ZBTB24: variants seen among roughly 807,000 people sequenced by gnomAD.
ZBTB24 encodes the protein zinc finger and BTB domain containing 24, also known as zinc finger and BTB domain-containing protein 24.
A neutral mutation model predicts 53.8 loss-of-function variants in ZBTB24; 32 were observed. That is an observed-to-expected ratio of 0.60 (90% confidence interval 0.45 to 0.80). ZBTB24 has a LOEUF of 0.80. Among genes scored for constraint, ZBTB24 ranks in the 30% least tolerant of loss-of-function variants. The pLI is 0.00. For synonymous variants in ZBTB24, 297 were observed against 306.7 expected (o/e 0.97, Z 0.33); for missense variants, 722 against 837.1 (o/e 0.86, Z 1.70).
intron 2 of ZBTB24, among the ~76,000 whole-genome samples, chr6:109,480,254 T>C (rs1464162995): frequency 6.6e-6 from 1 of 152,148 alleles, no homozygotes; most frequent in Non-Finnish European, 1.5e-5. Flanking sequence ...GATATACAAG[T>C]GGTAACAACA....
At chr6:109,470,399 C>A (rs1194908313) in intron 5 of ZBTB24, among the ~76,000 whole-genome samples, 1 of 152,186 alleles carries the variant, frequency 6.6e-6, no homozygotes, top group East Asian at 1.9e-4. Context: ...AGCAGTTACT[C>A]CACCGATCCC....
intron 2 of ZBTB24, among the ~76,000 whole-genome samples, chr6:109,479,471 A>G (rs1776349970): frequency 6.6e-6 from 1 of 152,236 alleles, no homozygotes; most frequent in Non-Finnish European, 1.5e-5. Context: ...TCTGTTGAAC[A>G]TGTACTGCTT....
At chr6:109,469,498 T>G (rs1180642039) in intron 5 of ZBTB24, among the ~76,000 whole-genome samples, 1 of 152,012 alleles carries the variant, frequency 6.6e-6, no homozygotes, top group South Asian at 2.1e-4. Flanking sequence ...GGAAGGCAAA[T>G]TTCCCTAGCC....
intron 5 of ZBTB24, among the ~76,000 whole-genome samples, chr6:109,468,481 C>T (rs974158746): frequency 1.3e-5 from 2 of 151,800 alleles, no homozygotes; most frequent in African/African-American, 4.8e-5. Flanking sequence ...ATGGTTCACT[C>T]TCCTCATCTC....
intron 3 of ZBTB24, among the ~76,000 whole-genome samples, 186 bp downstream of exon 3, chr6:109,476,577 A>G (rs1776281992): frequency 6.6e-6 from 1 of 152,256 alleles, no homozygotes. Context: ...CAGCCAGTTT[A>G]TAAGCTCTAG....
chr6:109,471,016 G>A (rs1776154463), intron 5 of ZBTB24, among the ~76,000 whole-genome samples: 1 of 152,232 alleles, frequency 6.6e-6, no homozygotes, highest in South Asian at 2.1e-4. Context: ...AAACAATGCT[G>A]CCTATGATGA....
intron 1 of ZBTB24, among the ~76,000 whole-genome samples, chr6:109,482,392 G>A (rs68042406): frequency 0.29 from 43,904 of 151,872 alleles, 6,948 homozygotes; most frequent in Middle Eastern, 0.4. Context: ...CCTGAGCCTG[G>A]GAGTTCGAGG....
chr6:109,476,359 C>A, intron 3 of ZBTB24, 101 bp from the exon 4 acceptor site: 9 of 1,161,578 alleles, frequency 7.7e-6, no homozygotes, highest in Non-Finnish European at 1.0e-5. Context: ...TCCCCATTTT[C>A]TACAAATGAT....
intron 5 of ZBTB24, among the ~76,000 whole-genome samples, chr6:109,471,154 T>C (rs1477589923): frequency 2.0e-5 from 3 of 152,258 alleles, no homozygotes; most frequent in African/African-American, 2.4e-5. Flanking sequence ...CATTTCCTCA[T>C]GTACTTGCCA....
rs1776474161 is a variant in ZBTB24, at chr6:109,483,145, T to G, written c.-76A>C. On this transcript the variant is annotated 5_prime_UTR_variant, in exon 1 of 7. Coordinates refer to ENST00000230122, the MANE Select transcript of ZBTB24 (RefSeq NM_014797.3). ...ACGCCGGGGCCCGCTGGCCCTCCGCTCCGCCCCGCCCGCCTCTGGGGCTTC... is the reference window on the plus strand; with the variant it reads ...ACGCCGGGGCCCGCTGGCCCTCCGCGCCGCCCCGCCCGCCTCTGGGGCTTC... The G allele has an allele frequency of 6.6e-6, 1 of 151,974 alleles. No individual in the cohort carries two copies. The highest frequency in any genetic ancestry group is 6.6e-5 in the Admixed American group (1 of 15,242). 9.4% of individuals were successfully genotyped at this position (151,974 alleles called of 1,614,324 possible).
chr6:109,480,030 C>A (rs1052425715), intron 2 of ZBTB24, among the ~76,000 whole-genome samples: 19 of 149,952 alleles, frequency 1.3e-4, no homozygotes, highest in African/African-American at 4.6e-4. Context: ...TTCAACCTAT[C>A]TGTAGCTAAA....
rs368513830 is a variant in ZBTB24 at position 109,481,348 on chromosome 6, T to C, written c.679A>G (p.Arg227Gly). The C allele has an allele frequency of 1.5e-5, 24 of 1,614,108 alleles. No homozygotes were observed. Among genetic ancestry groups the C allele is most frequent in the Non-Finnish European group, 1.7e-5 (20 of 1,180,054 alleles). ...EESEPTCEPS[R>G]EEEMPVEKDE... ...TTTTCAACTGGCATTTCCTCCTCTC[T>C]ACTTGGCTCACAAGTAGGCTCCGAT... The change falls in exon 2 of 7, where the codon AGA becomes GGA. Residue 227 changes from arginine to glycine, a missense_variant. Transcript: ENST00000230122.
chr6:109,473,455 T>C (rs1776210859), intron 5 of ZBTB24, among the ~76,000 whole-genome samples: 1 of 152,092 alleles, frequency 6.6e-6, no homozygotes, highest in African/African-American at 2.4e-5. Context: ...CCCCACTGCA[T>C]TCTCATCTCC....
chr6:109,465,668 G>C lies in ZBTB24; in HGVS notation c.*183C>G, dbSNP rs1776016588. 1.9e-6 allele frequency: 3 copies of C among 1,580,900 alleles called. No homozygotes were observed. Among genetic ancestry groups the C allele is most frequent in the Non-Finnish European group, 2.6e-6 (3 of 1,169,542 alleles). On this transcript the variant is annotated 3_prime_UTR_variant, in exon 7 of 7. Transcript: ENST00000230122. ...ATGCTCAATACAAATCAGTACCTTA[G>C]ACAAGACATACACACATCTTGCTAC... is the stretch of plus-strand genomic sequence containing the variant.
chr6:109,477,092 C>T (rs1444315889), intron 2 of ZBTB24, among the ~76,000 whole-genome samples, 162 bp from the exon 3 acceptor site: 1 of 152,182 alleles, frequency 6.6e-6, no homozygotes, highest in Non-Finnish European at 1.5e-5. Flanking sequence ...GGAAGCTGAA[C>T]AGATGAATCT....
In ZBTB24 at chr6:109,476,207, C is replaced by T. The variant is rs1562302705; in HGVS notation, c.1172G>A (p.Arg391Lys). 2 of 1,614,148 alleles carry T rather than the reference C, an allele frequency of 1.2e-6. No homozygotes were observed. The highest frequency in any genetic ancestry group is 8.5e-7 in the Non-Finnish European group (1 of 1,180,020). Residue 391 changes from arginine (R) to lysine (K), a missense_variant, in exon 4 of 7, where the codon AGA (arginine) becomes AAA (lysine). Physicochemically the swap from Arg to Lys is conservative, Grantham distance 26. Transcript: ENST00000230122. ...DQCGKYFSQNRQLKSHYRVHT... is the reference protein window; with the variant it reads ...DQCGKYFSQNKQLKSHYRVHT... ...AACTCGGTAATGGCTCTTTAGCTGT[C>T]TGTTCTGGCTGAAATATTTTCCGCA...
chr6:109,482,200 C>A, intron 1 of ZBTB24, 146 bp from the exon 2 acceptor site: 1 of 715,004 alleles, frequency 1.4e-6, no homozygotes, highest in Non-Finnish European at 2.4e-6. Flanking sequence ...GCTCTGGGCC[C>A]GGGCGCAGTG....
At position 109,481,091 on chromosome 6, in the gene ZBTB24, G is replaced by A. The variant is rs374670308; in HGVS notation, c.936C>T (p.His312=). 6 of 1,613,992 alleles carry A rather than the reference G, an allele frequency of 3.7e-6. No individual in the cohort carries two copies. The African/African-American group carries it at 6.7e-5, about 18-fold the overall frequency. The stretch of plus-strand genomic sequence containing the variant: ...CATCATTACCTGTGTGGCTCCTCTG[G>A]TGGATTGCTAAAAAGTGATTGTACT... ...VFKYNHFLAI[H]QRSHTGERPF... is the part of the protein sequence containing the mutation. Residue 312 remains histidine (H), a synonymous_variant, in exon 2 of 7, where the codon CAC becomes CAT. Coordinates refer to ENST00000230122, the MANE Select transcript of ZBTB24 (RefSeq NM_014797.3).
intron 5 of ZBTB24, among the ~76,000 whole-genome samples, chr6:109,474,671 T>C (rs962840959): frequency 2.6e-5 from 4 of 151,226 alleles, no homozygotes; most frequent in East Asian, 1.9e-4. Flanking sequence ...GAGGCAGAGG[T>C]TGCAGTGAGC....
Sources: gnomAD v4.1 joint callset for allele counts (sites outside exome capture counted in the v4.1 genomes callset) on GRCh38, gnomAD v4.1.1 for gene constraint, MANE v1.5 for transcripts, NCBI Gene and HGNC (gene_info 2026-07-23, HGNC 2026-07-21) for gene names.